The following UROD variants were observed in gnomAD, a reference collection of about 807,000 sequenced individuals.
The protein encoded by UROD is uroporphyrinogen decarboxylase, also known as uroporphyrinogen III decarboxylase.
In UROD, 34 loss-of-function variants were observed where a neutral mutation model predicts 47.1. The ratio of observed to expected loss-of-function variants is 0.72; its 90% CI spans 0.55 to 0.96. UROD has a LOEUF of 0.96. Among genes scored for constraint, UROD ranks in the 40% least tolerant of loss-of-function variants. The pLI, the probability that UROD is intolerant of heterozygous loss-of-function variation, is 0.00. For missense variants in UROD, 381 were observed against 471.8 expected, an observed-to-expected ratio of 0.81 and a Z score of 1.78; for synonymous variants, 148 against 175.8, an observed-to-expected ratio of 0.84 and a Z score of 1.25.
intron 9 of UROD, 115 bp downstream of exon 9, chr1:45,015,121 C>A (rs1644839177): frequency 1.3e-6 from 2 of 1,539,228 alleles, no homozygotes; most frequent in Non-Finnish European, 1.8e-6. Context: ...CTACTCTGTA[C>A]AACATAAGCC....
chr1:45,015,201 G>A, intron 9 of UROD, 136 bp from the exon 10 acceptor site: 2 of 1,448,992 alleles, frequency 1.4e-6, no homozygotes, highest in Non-Finnish European at 1.9e-6. Context: ...TCCATACTAG[G>A]GATCTGATAA....
At chr1:45,014,368 G>C in intron 6 of UROD, 71 bp from the exon 7 acceptor site, 2 of 1,611,102 alleles carry the variant, frequency 1.2e-6, no homozygotes, top group Non-Finnish European at 1.7e-6. Flanking sequence ...GGAAAATTGA[G>C]GTGGATTTTG....
chr1:45,014,332 C>T (rs947276119), intron 6 of UROD, 107 bp from the exon 7 acceptor site: 2 of 1,552,890 alleles, frequency 1.3e-6, no homozygotes, highest in Non-Finnish European at 1.8e-6. Flanking sequence ...TAGGGTCAGG[C>T]AGTATCAGGG....
At chr1:45,012,655 C>T in intron 1 of UROD, 3 of 706,904 alleles carry the variant, frequency 4.2e-6, no homozygotes, top group Admixed American at 2.9e-5. Context: ...TCCCCCCAGT[C>T]CCTCTGGTTG....
In UROD at chr1:45,012,965, G is replaced by A. The variant is rs1236809201; in HGVS notation, c.79G>A (p.Glu27Lys). 6.2e-7 allele frequency: 1 copy of A among 1,614,044 alleles called. No homozygotes were observed. Residue 27 changes from glutamate to lysine, a missense_variant, in exon 2 of 10, where the codon GAA becomes AAA. Glu to Lys is a moderately conservative substitution (Grantham distance 56). Coordinates refer to ENST00000246337, the MANE Select transcript of UROD (RefSeq NM_000374.5). Reference sequence around the variant, plus strand: ...ATTCCTGCGAGCAGCCTGGGGAGAGGAAACAGACTACACTCCCGTTTGGTG... The same window carrying A: ...ATTCCTGCGAGCAGCCTGGGGAGAGAAAACAGACTACACTCCCGTTTGGTG... The part of the protein sequence containing the change: ...DTFLRAAWGE[E>K]TDYTPVWCMR...
At chr1:45,014,621 T>G (rs759911528) in intron 7 of UROD, 45 bp downstream of exon 7, 1 of 1,613,976 alleles carries the variant, frequency 6.2e-7, no homozygotes, top group Non-Finnish European at 8.5e-7. Context: ...TGTGGAGCTT[T>G]CAGGCTAAGT....
rs141792226 is a variant in UROD, at chr1:45,013,700, C to A, written c.383C>A (p.Ala128Asp). Reference sequence around the variant, plus strand: ...CGCCTACGGGATCCAGAAGTGGTAGCCTCTGAGCTAGGCTATGTGTTCCAA... The same window carrying A: ...CGCCTACGGGATCCAGAAGTGGTAGACTCTGAGCTAGGCTATGTGTTCCAA... ...LERLRDPEVV[A>D]SELGYVFQAI... Residue 128 changes from alanine (A) to aspartate (D), a missense_variant, in exon 5 of 10, where the codon GCC becomes GAC. Ala to Asp is a moderately radical substitution (Grantham distance 126). Coordinates refer to ENST00000246337, the MANE Select transcript of UROD (RefSeq NM_000374.5). The surrounding 1 kb of genome is among the most constrained non-coding windows in gnomAD (Gnocchi z 4.2). The A allele has an allele frequency of 2.8e-5, 46 of 1,614,062 alleles. No individual in the cohort carries two copies. The African/African-American group carries it at 5.2e-4, about 18-fold the overall frequency.
At position 45,014,973 on chromosome 1, in the gene UROD, C is replaced by A. The variant is rs1350011975; in HGVS notation, c.909C>A (p.Gly303=). The A allele has an allele frequency of 6.2e-7, 1 of 1,614,064 alleles. No homozygotes were observed. Among genetic ancestry groups the A allele is most frequent in the Non-Finnish European group, 8.5e-7 (1 of 1,180,040 alleles). The stretch of plus-strand genomic sequence containing the variant: ...TGGGGAAGACGGTGACATTGCAGGG[C>A]AACCTGGACCCCTGTGCCTTGTATG... The part of the protein sequence containing the change: ...ECVGKTVTLQ[G]NLDPCALYAS... The change falls in exon 9 of 10, where the codon GGC becomes GGA. Residue 303 remains glycine (G), a synonymous_variant. Coordinates refer to ENST00000246337, the MANE Select transcript of UROD (RefSeq NM_000374.5).
chr1:45,015,523 C>A lies in UROD; in HGVS notation c.*25C>A. The A allele has an allele frequency of 6.2e-7, 1 of 1,614,134 alleles. No homozygotes were observed. Among genetic ancestry groups the A allele is most frequent in the South Asian group, 1.1e-5 (1 of 91,072 alleles). ...AGTGTATACCTTTACCCTCAAGTAC[C>A]ACTAACACAGATGATTGATCGTTTC... is the stretch of plus-strand genomic sequence containing the variant. On this transcript the variant is annotated 3_prime_UTR_variant, in exon 10 of 10. Transcript: ENST00000246337.
At chr1:45,012,845 C>T (rs763508117) in intron 1 of UROD, 62 bp from the exon 2 acceptor site, 1 of 1,601,734 alleles carries the variant, frequency 6.2e-7, no homozygotes, top group East Asian at 2.2e-5. Context: ...TATGAACCCG[C>T]GCTTTCCCCA....
In UROD at chr1:45,014,450, G is replaced by GT. The variant is rs1013135823; in HGVS notation, c.651dup (p.Glu218Ter). 4.3e-6 allele frequency: 7 copies of GT among 1,614,110 alleles called. No individual in the cohort carries two copies. The Admixed American group carries it at 1.2e-4, about 27-fold the overall frequency. On this transcript the variant is annotated frameshift_variant, in exon 7 of 10. Coordinates refer to ENST00000246337, the MANE Select transcript of UROD (RefSeq NM_000374.5). LOFTEE classifies it high-confidence loss of function. ...CATACCCTAACTAGGCATTGCAGCTGTTTGAGTCCCATGCAGGGCATCTTG... is the reference window on the plus strand; with the variant it reads ...CATACCCTAACTAGGCATTGCAGCTGTTTTGAGTCCCATGCAGGGCATCTTG...
In UROD at chr1:45,015,382, C is replaced by T; in HGVS notation, c.988C>T (p.Pro330Ser). 2 of 1,614,174 alleles carry T rather than the reference C, an allele frequency of 1.2e-6. No homozygotes were observed. The highest frequency in any genetic ancestry group is 1.1e-5 in the South Asian group (1 of 91,080). ...LVKQMLDDFG[P>S]HRYIANLGHG... is the part of the protein sequence containing the mutation. The stretch of plus-strand genomic sequence containing the variant: ...GAAGCAGATGCTGGATGACTTTGGA[C>T]CACATCGCTACATTGCCAACCTGGG... The change falls in exon 10 of 10, where the codon CCA becomes TCA. Residue 330 changes from proline (P) to serine (S), a missense_variant. Transcript: ENST00000246337.
In UROD at chr1:45,013,662, G is replaced by C. The variant is rs1228234993; in HGVS notation, c.345G>C (p.Glu115Asp). The C allele has an allele frequency of 1.2e-6, 2 of 1,614,174 alleles. No homozygotes were observed. The highest frequency in any genetic ancestry group is 1.7e-6 in the Non-Finnish European group (2 of 1,180,022). Residue 115 changes from glutamate (E) to aspartate (D), a missense_variant, in exon 5 of 10, where the codon GAG (glutamate) becomes GAC (aspartate). Glu to Asp is a conservative substitution (Grantham distance 45). Transcript: ENST00000246337. The surrounding 1 kb of genome is among the most constrained non-coding windows in gnomAD (Gnocchi z 4.2). ...GCTTCCCAGAGCCATTAAGAGAAGA[G>C]CAGGACCTAGAACGCCTACGGGATC... ...GPSFPEPLREEQDLERLRDPE... is the reference protein window; with the variant it reads ...GPSFPEPLREDQDLERLRDPE...
chr1:45,012,295 C>T lies in UROD; in HGVS notation c.20+10C>T. ...AAGCGAATGGGTTGGGGTGAGTTCT[C>T]CAGAGCACGCGGTGTGGCTAGCCGG... On this transcript the variant is annotated intron_variant, in intron 1 of 9. Coordinates refer to ENST00000246337, the MANE Select transcript of UROD (RefSeq NM_000374.5). 6.2e-7 allele frequency: 1 copy of T among 1,614,074 alleles called. No individual in the cohort carries two copies. The highest frequency in any genetic ancestry group is 1.1e-5 in the South Asian group (1 of 91,080).
rs1161548726 is a variant in UROD, at chr1:45,014,958, G to A, written c.894G>A (p.Thr298=). ...PKKARECVGK[T]VTLQGNLDPC... ...CTTCCAGGGAGTGTGTGGGGAAGAC[G>A]GTGACATTGCAGGGCAACCTGGACC... Residue 298 remains threonine (T), a synonymous_variant, in exon 9 of 10, where the codon ACG becomes ACA. Coordinates refer to ENST00000246337, the MANE Select transcript of UROD (RefSeq NM_000374.5). 6 of 1,613,974 alleles carry A rather than the reference G, an allele frequency of 3.7e-6. No homozygotes were observed. The highest frequency in any genetic ancestry group is 5.1e-6 in the Non-Finnish European group (6 of 1,179,996).
chr1:45,014,228 G>T (rs1221822975), intron 6 of UROD, 158 bp downstream of exon 6: 2 of 1,293,880 alleles, frequency 1.5e-6, no homozygotes, highest in Non-Finnish European at 2.2e-6. Flanking sequence ...TCCTGACACT[G>T]ACAGTGGGGC....
intron 6 of UROD, 34 bp from the exon 7 acceptor site, chr1:45,014,404 GT>G (rs1163019333): frequency 6.2e-7 from 1 of 1,613,866 alleles, no homozygotes; most frequent in East Asian, 2.2e-5. Context: ...TCCTCTTTGT[GT>G]GTTACATATT....
chr1:45,015,092 G>A, intron 9 of UROD, 86 bp downstream of exon 9: 1 of 1,591,854 alleles, frequency 6.3e-7, no homozygotes, highest in Non-Finnish European at 8.6e-7. Context: ...TGTTTTTAAT[G>A]TCTGTCTGTC....
rs766022844 is a variant in UROD at position 45,013,408 on chromosome 1, T to C, written c.276+54T>C. 30 of 1,612,688 alleles carry C rather than the reference T, an allele frequency of 1.9e-5. No individual in the cohort carries two copies. Among genetic ancestry groups the C allele is most frequent in the Non-Finnish European group, 2.5e-5 (29 of 1,178,808 alleles). On this transcript the variant is annotated intron_variant, in intron 4 of 9. Coordinates refer to ENST00000246337, the MANE Select transcript of UROD (RefSeq NM_000374.5). This position sits in a 1 kb window ranked among gnomAD's most constrained non-coding sequence, Gnocchi z 4.2. ...TAATCCAAGGACGCCTTGAAAATCC[T>C]TCTATCAGTCCAGTCAAGGTTTACA... is the stretch of plus-strand genomic sequence containing the variant.
Sources: allele counts gnomAD v4.1 joint callset, GRCh38; gene constraint gnomAD v4.1.1; non-coding constraint Gnocchi (gnomAD v3.1); transcripts MANE v1.5; gene names NCBI Gene and HGNC (gene_info 2026-07-23, HGNC 2026-07-21).